The following ALDH1A1 variants were observed in gnomAD, a reference collection of about 807,000 sequenced individuals.
ALDH1A1 encodes the protein aldehyde dehydrogenase 1 family member A1, also known as aldehyde dehydrogenase 1A1.
Under a neutral mutation model 62.1 loss-of-function variants are expected in ALDH1A1, and 19 were observed. The ratio of observed to expected loss-of-function variants is 0.31; its 90% CI spans 0.21 to 0.45. The LOEUF is 0.45. Ranked by LOEUF, ALDH1A1 falls within the 20% of genes least tolerant of loss-of-function variation. The pLI is 1.00. For missense variants in ALDH1A1, 521 were observed against 607.1 expected (o/e 0.86, Z 1.49); for synonymous variants, 231 against 215.9 (o/e 1.07, Z -0.61).
chr9:72,911,502 C>G (rs1046772685), intron 10 of ALDH1A1, among the ~76,000 whole-genome samples: 1 of 152,148 alleles, frequency 6.6e-6, no homozygotes, highest in Non-Finnish European at 1.5e-5. Context: ...ACCAACATTT[C>G]CCAACCCTCA....
intron 7 of ALDH1A1, among the ~76,000 whole-genome samples, chr9:72,922,079 GC>G: frequency 6.6e-6 from 1 of 152,154 alleles, no homozygotes; most frequent in East Asian, 1.9e-4. Flanking sequence ...GGGACAGGAA[GC>G]TTTTTTCTCA....
intron 2 of ALDH1A1, among the ~76,000 whole-genome samples, chr9:72,933,787 C>A (rs1372332635): frequency 6.6e-6 from 1 of 152,038 alleles, no homozygotes; most frequent in Non-Finnish European, 1.5e-5. Flanking sequence ...TAATATAACT[C>A]TCAGCAATTT....
intron 10 of ALDH1A1, among the ~76,000 whole-genome samples, chr9:72,911,035 A>T (rs900658040): frequency 2.6e-5 from 4 of 152,188 alleles, no homozygotes; most frequent in African/African-American, 9.7e-5. Flanking sequence ...CTTATCTGGT[A>T]TTAATCAAGA....
At chr9:72,902,206 C>T (rs11143409) in intron 12 of ALDH1A1, among the ~76,000 whole-genome samples, 1 of 151,992 alleles carries the variant, frequency 6.6e-6, no homozygotes, top group Admixed American at 6.6e-5. Context: ...TAGAAACTGA[C>T]TGATTTACCC....
intron 11 of ALDH1A1, among the ~76,000 whole-genome samples, chr9:72,908,872 G>A (rs1443529324): frequency 6.6e-6 from 1 of 151,996 alleles, no homozygotes; most frequent in Non-Finnish European, 1.5e-5. Context: ...GGGAGAGGGA[G>A]GGTATCTTCA....
chr9:72,904,629 A>T (rs1217755035), intron 12 of ALDH1A1, among the ~76,000 whole-genome samples: 1 of 152,094 alleles, frequency 6.6e-6, no homozygotes, highest in East Asian at 1.9e-4. Context: ...CATGGAATAG[A>T]GGTTAAAAGA....
chr9:72,949,202 C>G (rs1830508836), intron 1 of ALDH1A1, among the ~76,000 whole-genome samples: 1 of 151,910 alleles, frequency 6.6e-6, no homozygotes, highest in Admixed American at 6.6e-5. Context: ...CATTTTCAGT[C>G]AAAGCAGAAA....
At chr9:72,947,093 A>G (rs1276708383) in intron 1 of ALDH1A1, among the ~76,000 whole-genome samples, 1 of 151,960 alleles carries the variant, frequency 6.6e-6, no homozygotes, top group Non-Finnish European at 1.5e-5. Context: ...TGTTAATTCC[A>G]TTTTCTTACA....
At chr9:72,906,439 G>A (rs893121315) in intron 11 of ALDH1A1, among the ~76,000 whole-genome samples, 8 of 152,064 alleles carry the variant, frequency 5.3e-5, no homozygotes, top group Non-Finnish European at 1.0e-4. Context: ...TACTTAACAG[G>A]CTAGAATCAA....
rs746737337 is a variant in ALDH1A1 at position 72,918,768 on chromosome 9, G to T, written c.802C>A (p.Leu268Met). 1 of 1,613,960 alleles carries T rather than the reference G, an allele frequency of 6.2e-7. No homozygotes were observed. The highest frequency in any genetic ancestry group is 1.1e-5 in the South Asian group (1 of 91,062). ...AGKSNLKRVT[L>M]ELGGKSPCIV... Reference sequence around the variant, plus strand: ...CAAGGGCTCTTTCCTCCAAGCTCCAGGGTCACCCTCTTCAGATTGCTTTTC... The same window carrying T: ...CAAGGGCTCTTTCCTCCAAGCTCCATGGTCACCCTCTTCAGATTGCTTTTC... Residue 268 changes from leucine (L) to methionine (M), a missense_variant, in exon 8 of 13, where the codon CTG becomes ATG. Coordinates refer to ENST00000297785, the MANE Select transcript of ALDH1A1 (RefSeq NM_000689.5).
chr9:72,905,671 A>G (rs1829869531), intron 12 of ALDH1A1, among the ~76,000 whole-genome samples: 1 of 152,162 alleles, frequency 6.6e-6, no homozygotes, highest in Non-Finnish European at 1.5e-5. Flanking sequence ...ACATTCATAT[A>G]TATAGCAAGC....
chr9:72,940,679 A>G (rs763438842), intron 1 of ALDH1A1, among the ~76,000 whole-genome samples: 4 of 152,148 alleles, frequency 2.6e-5, no homozygotes, highest in Non-Finnish European at 4.4e-5. Flanking sequence ...TAATCCTTTA[A>G]TGTTTTAAAG....
intron 1 of ALDH1A1, among the ~76,000 whole-genome samples, chr9:72,944,834 A>G (rs191270397): frequency 6.6e-6 from 1 of 152,236 alleles, no homozygotes; most frequent in East Asian, 1.9e-4. Context: ...ATATATGTAA[A>G]GTAGACATCA....
In ALDH1A1 at chr9:72,928,430, G is replaced by C. The variant is rs1456058867; in HGVS notation, c.442+462C>G. On this transcript the variant is annotated intron_variant, in intron 4 of 12. Transcript: ENST00000297785. ...GTGAACTGGCTTGTTTGATTAGTCT[G>C]GTCTAACTACACTGAGTTTGACCAG... 2.0e-5 allele frequency among the ~76,000 whole-genome samples: 3 copies of C among 152,208 alleles called. No homozygotes were observed. In the East Asian group the frequency reaches 5.8e-4, roughly 29 times the overall value.
chr9:72,950,082 A>G (rs1830525943), intron 1 of ALDH1A1, among the ~76,000 whole-genome samples: 1 of 151,776 alleles, frequency 6.6e-6, no homozygotes, highest in Admixed American at 6.6e-5. Context: ...AGGTTGGGTA[A>G]AAGGGAATAT....
chr9:72,928,937 A>C lies in ALDH1A1; in HGVS notation c.397T>G (p.Cys133Gly). 1.2e-6 allele frequency: 2 copies of C among 1,614,020 alleles called. No homozygotes were observed. The highest frequency in any genetic ancestry group is 1.1e-5 in the South Asian group (1 of 91,082). The change falls in exon 4 of 13, where the codon TGT becomes GGT. Residue 133 changes from cysteine (C) to glycine (G), a missense_variant. Cys to Gly is a radical substitution (Grantham distance 159). Transcript: ENST00000297785. ...TGGATCTTGTCAGCCCAACCTGCAC[A>C]GTAGCGCAATGTTTTGATGCAGCCT... is the stretch of plus-strand genomic sequence containing the variant. ...LAGCIKTLRY[C>G]AGWADKIQGR...
chr9:72,907,389 G>T (rs549813226), intron 11 of ALDH1A1, among the ~76,000 whole-genome samples: 1 of 152,264 alleles, frequency 6.6e-6, no homozygotes, highest in Admixed American at 6.5e-5. Context: ...AGGATATGTA[G>T]TAACAAGATG....
chr9:72,905,217 G>T (rs1829863516), intron 12 of ALDH1A1, among the ~76,000 whole-genome samples: 1 of 151,928 alleles, frequency 6.6e-6, no homozygotes. Flanking sequence ...AAAGTTTTAA[G>T]AAATAAAATG....
At chr9:72,916,555 T>C (rs949494463) in intron 9 of ALDH1A1, among the ~76,000 whole-genome samples, 1 of 151,968 alleles carries the variant, frequency 6.6e-6, no homozygotes, top group African/African-American at 2.4e-5. Context: ...AGATGAAGGA[T>C]TCAGGAGGAA....
Sources: allele counts gnomAD v4.1 joint callset (sites outside exome capture counted in the v4.1 genomes callset), GRCh38; gene constraint gnomAD v4.1.1; transcripts MANE v1.5; gene names NCBI Gene and HGNC (gene_info 2026-07-23, HGNC 2026-07-21).